ASPM: variants seen among roughly 807,000 people sequenced by gnomAD.
ASPM encodes assembly factor for spindle microtubules.
A neutral mutation model predicts 366.4 loss-of-function variants in ASPM; 256 were observed. The ratio of observed to expected loss-of-function variants is 0.70; its 90% CI spans 0.63 to 0.77. The LOEUF (loss-of-function observed/expected upper bound fraction) is 0.77, where lower values mean the gene tolerates loss of function less well. Among genes scored for constraint, ASPM ranks in the 30% least tolerant of loss-of-function variants. The pLI is 0.00. For synonymous variants in ASPM, 1,414 were observed against 1,342.9 expected (o/e 1.05, Z -1.16); for missense variants, 4,146 against 4,090.4 (o/e 1.01, Z -0.37).
chr1:197,128,645 C>T lies in ASPM; in HGVS notation c.2781G>A (p.Leu927=). 1 of 1,612,634 alleles carries T rather than the reference C, an allele frequency of 6.2e-7. No homozygotes were observed. The highest frequency in any genetic ancestry group is 8.5e-7 in the Non-Finnish European group (1 of 1,179,166). The part of the protein sequence containing the change: ...AEFKASKEIL[L]AFSRDFLSGE... ...CACTTAGGAAATCTCGTGAAAAAGC[C>T]AAAAGGATTTCTTTACTAGCCTATA... Residue 927 remains leucine (L), a synonymous_variant, in exon 10 of 28, where the codon TTG becomes TTA. Transcript: ENST00000367409.
intron 27 of ASPM, 90 bp from the exon 28 acceptor site, chr1:197,084,516 A>C: frequency 1.2e-6 from 1 of 803,930 alleles, no homozygotes; most frequent in South Asian, 1.5e-5. Flanking sequence ...AATTGTAGCT[A>C]CTCCTGAACA....
chr1:197,126,143 T>C (rs908866430), intron 10 of ASPM, among the ~76,000 whole-genome samples: 2 of 152,098 alleles, frequency 1.3e-5, no homozygotes, highest in Non-Finnish European at 2.9e-5. Flanking sequence ...TGTAAAAGCA[T>C]AAAAATGGGC....
chr1:197,086,426 T>A (rs746334278), intron 27 of ASPM, among the ~76,000 whole-genome samples: 7 of 152,168 alleles, frequency 4.6e-5, no homozygotes, highest in Non-Finnish European at 8.8e-5. Context: ...TCAGGGTGAT[T>A]ATGGGAGGAC....
Position 197,122,243 on chromosome 1 carries a change from C to T in ASPM, c.3657G>A (p.Leu1219=), listed in dbSNP as rs767353827. The change falls in exon 15 of 28, where the codon TTG becomes TTA. Residue 1219 remains leucine, a synonymous_variant. Transcript: ENST00000367409. ...LLENEKKNFH[L]VRSAVRDLGG... is the part of the protein sequence containing the mutation. Reference sequence around the variant, plus strand: ...CAAGGTCTCTAACTGCAGACCTAACCAAGTGAAAATTTTTCTTTTCATTTT... The same window carrying T: ...CAAGGTCTCTAACTGCAGACCTAACTAAGTGAAAATTTTTCTTTTCATTTT... 8 of 1,612,766 alleles carry T rather than the reference C, an allele frequency of 5.0e-6. No homozygotes were observed. The South Asian group carries it at 7.7e-5, about 15-fold the overall frequency.
At chr1:197,121,831 A>T in intron 16 of ASPM, 84 bp downstream of exon 16, 1 of 1,474,980 alleles carries the variant, frequency 6.8e-7, no homozygotes, top group Non-Finnish European at 9.4e-7. Flanking sequence ...ACATCCATAA[A>T]ATGTAAAATC....
intron 13 of ASPM, among the ~76,000 whole-genome samples, chr1:197,123,805 TTTGAA>T (rs1451600085): frequency 9.9e-5 from 15 of 152,158 alleles, no homozygotes; most frequent in African/African-American, 1.7e-4. Context: ...TGTGGGCTTA[TTTGAA>T]TTGAACTTTA....
rs1658287304 is a variant in ASPM at position 197,132,451 on chromosome 1, T to C, written c.2420-99A>G. On this transcript the variant is annotated intron_variant, in intron 6 of 27. Coordinates refer to ENST00000367409, the MANE Select transcript of ASPM (RefSeq NM_018136.5). ...AGTATATCAGTGGGAAAAAAATACT[T>C]GCTTATATGAAATAAGTTAATTTAA... 1.2e-5 allele frequency: 11 copies of C among 904,606 alleles called. No homozygotes were observed. The Admixed American group carries it at 2.3e-4, about 19-fold the overall frequency. 56.0% of individuals were successfully genotyped at this position (904,606 alleles called of 1,614,324 possible). A position where few individuals can be genotyped will look rare whatever the true frequency, so the allele number is the denominator to read the frequency against.
At chr1:197,120,710 T>C (rs78504858) in intron 16 of ASPM, among the ~76,000 whole-genome samples, 7,495 of 152,152 alleles carry the variant, frequency 0.049, 632 homozygotes, top group African/African-American at 0.17. Context: ...CCAATTCCCC[T>C]AGAAGTATTG....
intron 11 of ASPM, 34 bp downstream of exon 11, chr1:197,125,010 TGA>T (rs1406022115): frequency 1.2e-6 from 2 of 1,610,386 alleles, no homozygotes; most frequent in Non-Finnish European, 1.7e-6. Context: ...CAATATTCAG[TGA>T]GGAGAATAAG....
intron 1 of ASPM, among the ~76,000 whole-genome samples, chr1:197,144,335 TA>T (rs1658700194): frequency 6.6e-6 from 1 of 152,190 alleles, no homozygotes; most frequent in Non-Finnish European, 1.5e-5. Flanking sequence ...TTAACTGTAT[TA>T]AAGCAATAGA....
At position 197,093,164 on chromosome 1, in the gene ASPM, T is replaced by G. The variant is rs1330737174; in HGVS notation, c.9182A>C (p.Lys3061Thr). The change falls in exon 21 of 28, where the codon AAA (lysine) becomes ACA (threonine). Residue 3061 changes from lysine to threonine, a missense_variant. Physicochemically the swap from Lys to Thr is moderately conservative, Grantham distance 78. Coordinates refer to ENST00000367409, the MANE Select transcript of ASPM (RefSeq NM_018136.5). ...RQKSAALIIQ[K>T]YIRAREAGKH... ...TCCAGCCTCCCTGGCTCGTATATAT[T>G]TTTGTATGATCAAAGCAGCAGATTT... The G allele has an allele frequency of 1.2e-6, 2 of 1,612,574 alleles. No individual in the cohort carries two copies. The highest frequency in any genetic ancestry group is 1.7e-6 in the Non-Finnish European group (2 of 1,178,946).
intron 27 of ASPM, 61 bp from the exon 28 acceptor site, chr1:197,084,487 A>G: frequency 1.7e-6 from 2 of 1,163,250 alleles, no homozygotes; most frequent in Non-Finnish European, 1.3e-6. Flanking sequence ...AGTTACCTTC[A>G]CCTTTTTTCT....
chr1:197,146,191 G>T lies in ASPM; in HGVS notation c.247C>A (p.Pro83Thr), dbSNP rs759365279. 12 of 1,613,932 alleles carry T rather than the reference G, an allele frequency of 7.4e-6. No homozygotes were observed. The highest frequency in any genetic ancestry group is 1.0e-5 in the Non-Finnish European group (12 of 1,179,968). The change falls in exon 1 of 28, where the codon CCG (proline) becomes ACG (threonine). Residue 83 changes from proline (P) to threonine (T), a missense_variant. This residue lies in a region of ASPM where 512 missense variants were observed against 471.7 expected (regional missense o/e 1.09). Transcript: ENST00000367409. ...ACACTGAAGCCCAGGTCCGCGGCCG[G>T]GAAGTGGGAGATCTTCACTTCTGCC... ...EVAEVKISHF[P>T]AADLGFSVSQ...
rs1251490990 is a variant in ASPM at position 197,101,515 on chromosome 1, G to C, written c.7736C>G (p.Ala2579Gly). The change falls in exon 18 of 28, where the codon GCT becomes GGT. Residue 2579 changes from alanine (A) to glycine (G), a missense_variant. By Grantham distance (60) the Ala-to-Gly change is moderately conservative. Around this residue, in one of 3 missense-constraint regions of ASPM, gnomAD observed 3,624 missense variants for 3,591.7 expected, o/e 1.01. Coordinates refer to ENST00000367409, the MANE Select transcript of ASPM (RefSeq NM_018136.5). ...QYCFYQKLQWATKIIQEKYRA... is the reference protein window; with the variant it reads ...QYCFYQKLQWGTKIIQEKYRA... The stretch of plus-strand genomic sequence containing the variant: ...ATATTTTTCTTGTATGATTTTTGTA[G>C]CCCACTGAAGCTTTTGGTAGAAACA... 9 of 1,609,098 alleles carry C rather than the reference G, an allele frequency of 5.6e-6. No homozygotes were observed. Among genetic ancestry groups the C allele is most frequent in the Non-Finnish European group, 7.6e-6 (9 of 1,178,880 alleles).
chr1:197,096,224 A>T, intron 18 of ASPM, 60 bp from the exon 19 acceptor site: 1 of 1,388,316 alleles, frequency 7.2e-7, no homozygotes, highest in Non-Finnish European at 1.0e-6. Context: ...TTTGTAAATA[A>T]GACAAATCAG....
rs1658767082 is a variant in ASPM at position 197,146,086 on chromosome 1, A to C, written c.297+55T>G. 3.1e-6 allele frequency: 5 copies of C among 1,608,300 alleles called. No individual in the cohort carries two copies. In the Admixed American group the frequency reaches 6.7e-5, roughly 21 times the overall value. On this transcript the variant is annotated intron_variant, in intron 1 of 27. Coordinates refer to ENST00000367409, the MANE Select transcript of ASPM (RefSeq NM_018136.5). ...CAACCTTCCTGAGGAGGGTGGCAGG[A>C]AAGATAGCGGAGAAGCAGAACACCG...
Position 197,100,415 on chromosome 1 carries a change from T to C in ASPM, c.8820+16A>G. On this transcript the variant is annotated intron_variant, in intron 18 of 27. Transcript: ENST00000367409. ...AAAGACTCACAGTTTTATATTTAAA[T>C]TAAATATAGAAATACCTGAATTTTT... is the stretch of plus-strand genomic sequence containing the variant. 2 of 1,424,632 alleles carry C rather than the reference T, an allele frequency of 1.4e-6. No homozygotes were observed. The highest frequency in any genetic ancestry group is 1.9e-6 in the Non-Finnish European group (2 of 1,054,660). The allele number at this position is 1,424,632 out of a possible 1,614,324, so 88.2% of individuals were successfully genotyped here.
Position 197,142,490 on chromosome 1 carries a change from C to A in ASPM, c.1762G>T (p.Val588Phe). Residue 588 changes from valine (V) to phenylalanine (F), a missense_variant, in exon 3 of 28, where the codon GTT becomes TTT. By Grantham distance (50) the Val-to-Phe change is conservative (BLOSUM62 -1). Coordinates refer to ENST00000367409, the MANE Select transcript of ASPM (RefSeq NM_018136.5). ...ACTTCTGTATGTTCTGTAATTGCAA[C>A]TCTCACATTTGCATCTTCCATGCTT... is the stretch of plus-strand genomic sequence containing the variant. ...DGSMEDANVR[V>F]AITEHTEVRE... 1 of 1,614,010 alleles carries A rather than the reference C, an allele frequency of 6.2e-7. No individual in the cohort carries two copies. The highest frequency in any genetic ancestry group is 8.5e-7 in the Non-Finnish European group (1 of 1,179,882).
At position 197,130,175 on chromosome 1, in the gene ASPM, A is replaced by C; in HGVS notation, c.2488-119T>G. The C allele has an allele frequency of 7.6e-6, 8 of 1,053,314 alleles. 1 individual carries two copies. The South Asian group carries it at 1.1e-4, about 14-fold the overall frequency. 65.2% of individuals were successfully genotyped at this position (1,053,314 alleles called of 1,614,324 possible). Reference sequence around the variant, plus strand: ...GGCAATGTTCTACTTTCTAAATGACATGGTTATTTGCTAAATAACTTCTTT... The same window carrying C: ...GGCAATGTTCTACTTTCTAAATGACCTGGTTATTTGCTAAATAACTTCTTT... On this transcript the variant is annotated intron_variant, in intron 7 of 27. Transcript: ENST00000367409.
Sources: allele counts gnomAD v4.1 joint callset (sites outside exome capture counted in the v4.1 genomes callset), GRCh38; gene constraint gnomAD v4.1.1; regional missense constraint gnomAD v4.1.1; transcripts MANE v1.5; gene names NCBI Gene and HGNC (gene_info 2026-07-23, HGNC 2026-07-21).